Variants in MLXIPL observed in about 807,000 individuals in gnomAD.
MLXIPL encodes carbohydrate-responsive element-binding protein.
Under a neutral mutation model 81.5 loss-of-function variants are expected in MLXIPL, and 49 were observed. The observed-to-expected ratio is 0.60, with a 90% CI of 0.48 to 0.76. MLXIPL has a LOEUF of 0.76. Ranked by LOEUF, MLXIPL falls within the 30% of genes least tolerant of loss-of-function variation. The pLI is 0.00. For synonymous variants in MLXIPL, 466 were observed against 485.5 expected (o/e 0.96, Z 0.53); for missense variants, 1,053 against 1,167.0 (o/e 0.90, Z 1.42).
chr7:73,630,126 T>A, the MLXIPL span, among the ~76,000 whole-genome samples: 11 of 151,748 alleles, frequency 7.2e-5, no homozygotes, highest in Non-Finnish European at 1.5e-4. Context: ...GCCTCCCAAG[T>A]AGCTGGGACT....
At position 73,597,478 on chromosome 7, in the gene MLXIPL, G is replaced by A. The variant is rs1319583033; in HGVS notation, c.1307C>T (p.Pro436Leu). 4.2e-6 allele frequency: 6 copies of A among 1,418,580 alleles called. No homozygotes were observed. In the African/African-American group the frequency reaches 8.7e-5, roughly 21 times the overall value. 87.9% of individuals were successfully genotyped at this position (1,418,580 alleles called of 1,614,324 possible). A position where few individuals can be genotyped will look rare whatever the true frequency, so the allele number is the denominator to read the frequency against. ...TGGGGCAGGAGGGACGGTGGGGAAG[G>A]GAAACCTGGGAGAGAAGAGAGGCTC... is the stretch of plus-strand genomic sequence containing the variant. The part of the protein sequence containing the change: ...QEEPLFSPRF[P>L]FPTVPPAPGV... The change falls in exon 9 of 17, where the codon CCC becomes CTC. Residue 436 changes from proline (P) to leucine (L), a missense_variant. This residue lies in a region of MLXIPL where 823 missense variants were observed against 933.0 expected (regional missense o/e 0.88). Coordinates refer to ENST00000313375, the MANE Select transcript of MLXIPL (RefSeq NM_032951.3).
chr7:73,621,012 C>T (rs529903380), intron 1 of MLXIPL, among the ~76,000 whole-genome samples: 7 of 144,708 alleles, frequency 4.8e-5, no homozygotes, highest in East Asian at 4.2e-4. Context: ...ATCATGCCAG[C>T]GCACTCCAGC....
chr7:73,609,739 C>T (rs1340007667), intron 2 of MLXIPL: 1 of 152,058 alleles, frequency 6.6e-6, no homozygotes, highest in Admixed American at 6.6e-5. Flanking sequence ...TGGCAGGGAT[C>T]TTGGGTACTT....
Position 73,595,989 on chromosome 7 carries a change from G to A in MLXIPL, c.2059-20C>T. On this transcript the variant is annotated intron_variant, in intron 13 of 16. Coordinates refer to ENST00000313375, the MANE Select transcript of MLXIPL (RefSeq NM_032951.3). ...GCTCACCTGCAGACGCCACCAGGGG[G>A]GCTCAGGCAGGTGCTAGAGGCTGTA... 1.9e-6 allele frequency: 3 copies of A among 1,611,698 alleles called. No individual in the cohort carries two copies. The highest frequency in any genetic ancestry group is 1.3e-5 in the African/African-American group (1 of 75,026).
rs1794302089 is a variant in MLXIPL at position 73,596,378 on chromosome 7, G to T, written c.1924C>A (p.Pro642Thr). The change falls in exon 12 of 17, where the codon CCA becomes ACA. Residue 642 changes from proline to threonine, a missense_variant. Physicochemically the swap from Pro to Thr is conservative, Grantham distance 38. Coordinates refer to ENST00000313375, the MANE Select transcript of MLXIPL (RefSeq NM_032951.3). The surrounding 1 kb of genome is among the most constrained non-coding windows in gnomAD (Gnocchi z 4.7). The part of the protein sequence containing the change: ...PPQPILSRGR[P>T]DSNKTENRRI... ...ATGGTGCCCACCTTGTTGCTGTCTG[G>T]ACGGCCCCGGCTGAGGATGGGTTGC... 6.2e-7 allele frequency: 1 copy of T among 1,613,032 alleles called. No individual in the cohort carries two copies. The highest frequency in any genetic ancestry group is 1.3e-5 in the African/African-American group (1 of 74,776).
chr7:73,621,698 TCTCCCTCCCTCCCTCCATCTCTCTCCAG>T (rs1275943272), intron 1 of MLXIPL, among the ~76,000 whole-genome samples: 9 of 98,540 alleles, frequency 9.1e-5, no homozygotes, highest in African/African-American at 3.5e-4. Context: ...CCTCCCTCCA[TCTCCCTCCCTCCCTCCATCTCTCTCCAG>T]CTCCCTCCCT....
Position 73,596,481 on chromosome 7 carries a change from T to A in MLXIPL, c.1823-2A>T, listed in dbSNP as rs2116180301. The stretch of plus-strand genomic sequence containing the variant: ...CCCCTGACAGCCGCCGTTCACTGCC[T>A]GTGGTAGGGACAGACAGACCCACAG... On this transcript the variant is annotated splice_acceptor_variant, in intron 11 of 16. Coordinates refer to ENST00000313375, the MANE Select transcript of MLXIPL (RefSeq NM_032951.3). LOFTEE classifies it high-confidence loss of function. The surrounding 1 kb of genome is among the most constrained non-coding windows in gnomAD (Gnocchi z 4.7). 3.1e-6 allele frequency: 5 copies of A among 1,612,854 alleles called. No homozygotes were observed. Among genetic ancestry groups the A allele is most frequent in the Non-Finnish European group, 4.2e-6 (5 of 1,179,912 alleles).
chr7:73,622,825 G>T (rs537082525), intron 1 of MLXIPL, among the ~76,000 whole-genome samples: 1 of 152,064 alleles, frequency 6.6e-6, no homozygotes, highest in South Asian at 2.1e-4. Context: ...GTCACCCATC[G>T]TCAGGGTTGG....
At chr7:73,600,277 G>A (rs1554595685) in intron 7 of MLXIPL, among the ~76,000 whole-genome samples, 1 of 148,458 alleles carries the variant, frequency 6.7e-6, no homozygotes, top group Non-Finnish European at 1.5e-5. Context: ...GGGGCCTAAG[G>A]CTGGGCTCCG....
At chr7:73,625,659 G>A (rs1796699554), upstream of MLXIPL, among the ~76,000 whole-genome samples, 1 of 152,092 alleles carries the variant, frequency 6.6e-6, no homozygotes, top group Non-Finnish European at 1.5e-5. Flanking sequence ...TACTCGGGAG[G>A]CTGAGGTGGA....
intron 2 of MLXIPL, chr7:73,610,643 T>G (rs1249001251): frequency 2.0e-5 from 3 of 152,082 alleles, no homozygotes; most frequent in African/African-American, 7.3e-5. Context: ...CCAGCTGGTT[T>G]TTTGTATTTT....
rs552004471 is a variant in MLXIPL, at chr7:73,609,080, A to T, written c.401-1408T>A. Among the ~76,000 whole-genome samples the T allele has an allele frequency of 2.6e-5, 4 of 151,866 alleles. No homozygotes were observed. The South Asian group carries it at 8.3e-4, about 32-fold the overall frequency. ...TGTCTTGGCCTCCCAAGGTGTTGGG[A>T]TTACAGGCGTGAGCCACTGTGCCTG... On this transcript the variant is annotated intron_variant, in intron 2 of 16. Coordinates refer to ENST00000313375, the MANE Select transcript of MLXIPL (RefSeq NM_032951.3).
intron 7 of MLXIPL, among the ~76,000 whole-genome samples, chr7:73,605,410 A>C (rs376187454): frequency 1.3e-5 from 2 of 152,102 alleles, no homozygotes; most frequent in Admixed American, 1.3e-4. Context: ...ATACAAAAAA[A>C]ATTAGCCGGG....
the MLXIPL span, among the ~76,000 whole-genome samples, chr7:73,633,999 G>T: frequency 6.6e-6 from 1 of 152,196 alleles, no homozygotes; most frequent in African/African-American, 2.4e-5. Flanking sequence ...TTCTCACAAA[G>T]CTCACTGAGT....
chr7:73,630,138 C>T, the MLXIPL span, among the ~76,000 whole-genome samples: 1 of 151,920 alleles, frequency 6.6e-6, no homozygotes, highest in Non-Finnish European at 1.5e-5. Context: ...GCTGGGACTA[C>T]AGGCGCCCGC....
chr7:73,641,156 T>C, the MLXIPL span, among the ~76,000 whole-genome samples: 1 of 151,996 alleles, frequency 6.6e-6, no homozygotes, highest in African/African-American at 2.4e-5. Context: ...TAGCCAGGTG[T>C]AGTGGCGAGT....
At chr7:73,607,840 C>T (rs1487099117) in intron 2 of MLXIPL, among the ~76,000 whole-genome samples, 168 bp from the exon 3 acceptor site, 5 of 145,896 alleles carry the variant, frequency 3.4e-5, no homozygotes, top group African/African-American at 1.3e-4. Flanking sequence ...ATGCTCTAGC[C>T]TCCTAGATCT....
At chr7:73,644,174 A>G in the MLXIPL span, among the ~76,000 whole-genome samples, 1 of 150,976 alleles carries the variant, frequency 6.6e-6, no homozygotes, top group South Asian at 2.1e-4. Flanking sequence ...CTGATATTAC[A>G]GATGTGAGCC....
intron 1 of MLXIPL, among the ~76,000 whole-genome samples, chr7:73,618,014 G>A (rs564714552): frequency 6.6e-6 from 1 of 152,120 alleles, no homozygotes; most frequent in East Asian, 1.9e-4. Context: ...CACAAGCCAG[G>A]GTTGTGTACC....
Sources: allele counts gnomAD v4.1 joint callset (sites outside exome capture counted in the v4.1 genomes callset), GRCh38; gene constraint gnomAD v4.1.1; regional missense constraint gnomAD v4.1.1; non-coding constraint Gnocchi (gnomAD v3.1); transcripts MANE v1.5; gene names NCBI Gene and HGNC (gene_info 2026-07-23, HGNC 2026-07-21).